The following DNAH3 variants were observed in gnomAD, a reference collection of about 807,000 sequenced individuals.
DNAH3 encodes dynein axonemal heavy chain 3, also known as axonemal beta dynein heavy chain 3.
DNAH3 carries 332 observed loss-of-function variants against 432.5 expected under a neutral mutation model. The observed-to-expected ratio is 0.77, with a 90% confidence interval of 0.70 to 0.84. DNAH3 has a LOEUF of 0.84. DNAH3 is among the 40% of genes least tolerant of loss of function. DNAH3 has a pLI of 0.00. For missense variants in DNAH3, 4,861 were observed against 5,114.0 expected, an observed-to-expected ratio of 0.95 and a Z score of 1.51; for synonymous variants, 1,956 against 1,900.2, an observed-to-expected ratio of 1.03 and a Z score of -0.76.
At chr16:21,142,982 A>G (rs919356487) in intron 3 of DNAH3, among the ~76,000 whole-genome samples, 4 of 152,236 alleles carry the variant, frequency 2.6e-5, no homozygotes, top group African/African-American at 9.6e-5. Flanking sequence ...TAAATTTTTA[A>G]GATCCTCCAA....
intron 44 of DNAH3, among the ~76,000 whole-genome samples, chr16:20,988,819 G>A (rs775632665): frequency 6.6e-6 from 1 of 152,122 alleles, no homozygotes; most frequent in African/African-American, 2.4e-5. Context: ...TCTGATGTTC[G>A]AATGTGTTCG....
exon 47 of DNAH3, chr16:20,987,333 G>A (rs1487414500): frequency 6.2e-7 from 1 of 1,614,014 alleles, no homozygotes; most frequent in Non-Finnish European, 8.5e-7. Flanking sequence ...GAAGCAATTG[G>A]AGGTGGTTTC....
intron 19 of DNAH3, 51 bp downstream of exon 19, chr16:21,086,796 CAG>C: frequency 6.6e-7 from 1 of 1,525,218 alleles, no homozygotes; most frequent in East Asian, 2.2e-5. Flanking sequence ...CAAGGACAGT[CAG>C]GGCCAGGCCT....
At chr16:20,983,667 T>C (rs1195586793) in intron 48 of DNAH3, among the ~76,000 whole-genome samples, 4 of 152,066 alleles carry the variant, frequency 2.6e-5, no homozygotes, top group Non-Finnish European at 5.9e-5. Context: ...ATTTAGACTA[T>C]GTGTGGTGGA....
In DNAH3 at chr16:20,982,901, A is replaced by AT. The variant is rs1382616132; in HGVS notation, c.7678dup (p.Ile2560AsnfsTer31). The AT allele has an allele frequency of 7.4e-6, 12 of 1,613,308 alleles. No individual in the cohort carries two copies. The highest frequency in any genetic ancestry group is 2.2e-5 in the East Asian group (1 of 44,874). ...TGGACTCATGGCTAATGAAAAGGAGATTTTGTTAATTACCTTCCTCCAAGG... is the reference window on the plus strand; with the variant it reads ...TGGACTCATGGCTAATGAAAAGGAGATTTTTGTTAATTACCTTCCTCCAAGG... On this transcript the variant is annotated frameshift_variant, in exon 49 of 62. Transcript: ENST00000261383. LOFTEE classifies it high-confidence loss of function.
chr16:20,980,294 C>CATCATATATTATAATATAG (rs1567572188), intron 49 of DNAH3, among the ~76,000 whole-genome samples: 1 of 135,576 alleles, frequency 7.4e-6, no homozygotes, highest in African/African-American at 2.8e-5. Flanking sequence ...TTATAATATA[C>CATCATATATTATAATATAG]ATCATATATT....
At chr16:21,006,013 A>G (rs1414200108) in intron 41 of DNAH3, among the ~76,000 whole-genome samples, 2 of 152,150 alleles carry the variant, frequency 1.3e-5, no homozygotes, top group Non-Finnish European at 2.9e-5. Flanking sequence ...GTTCATTTTA[A>G]GAGAAGTTTC....
intron 43 of DNAH3, among the ~76,000 whole-genome samples, chr16:20,999,133 T>C (rs1336517390): frequency 2.0e-5 from 3 of 152,040 alleles, no homozygotes; most frequent in Non-Finnish European, 2.9e-5. Flanking sequence ...CATGTGCCTG[T>C]AGTCCCAGCT....
At position 20,942,601 on chromosome 16, in the gene DNAH3, G is replaced by C. The variant is rs1407702917; in HGVS notation, c.11512-1058C>G. On this transcript the variant is annotated intron_variant, in intron 58 of 61. Coordinates refer to ENST00000261383, the Ensembl canonical transcript of DNAH3. ...TTCTACAGTTGGGAGGGGTTAAACA[G>C]GAGGTAGCTTGGAAGGTGGAGAAGG... Among the ~76,000 whole-genome samples, 5 of 152,208 alleles carry C rather than the reference G, an allele frequency of 3.3e-5. No individual in the cohort carries two copies. In the East Asian group the frequency reaches 9.6e-4, roughly 29 times the overall value.
intron 56 of DNAH3, 31 bp from the exon 57 acceptor site, chr16:20,948,668 G>A: frequency 6.2e-7 from 1 of 1,612,728 alleles, no homozygotes; most frequent in Non-Finnish European, 8.5e-7. Flanking sequence ...GAGAGGTTGA[G>A]CCCAGGGAAG....
chr16:20,972,667 C>G (rs2085396306), intron 51 of DNAH3, among the ~76,000 whole-genome samples: 1 of 151,570 alleles, frequency 6.6e-6, no homozygotes, highest in Non-Finnish European at 1.5e-5. Context: ...GGATCTCCCA[C>G]AGGCCAGGTC....
Position 21,100,290 on chromosome 16 carries a change from T to G in DNAH3, c.2367-1521A>C, listed in dbSNP as rs191300250. ...TTTCACCATGTTGGCCAGGCTAGTC[T>G]CGAACTCCTGACCTCAGGTGATTCG... On this transcript the variant is annotated intron_variant, in intron 16 of 61. Coordinates refer to ENST00000261383, the Ensembl canonical transcript of DNAH3. Among the ~76,000 whole-genome samples the G allele has an allele frequency of 3.3e-5, 5 of 152,338 alleles. No individual in the cohort carries two copies. The East Asian group carries it at 9.6e-4, about 29-fold the overall frequency.
chr16:20,982,395 TAAAC>T (rs572115159), intron 49 of DNAH3, among the ~76,000 whole-genome samples: 25 of 152,084 alleles, frequency 1.6e-4, no homozygotes, highest in African/African-American at 2.9e-4. Flanking sequence ...CAAAAACAAA[TAAAC>T]AAACAAACAT....
At chr16:21,110,601 T>C (rs2092047719) in intron 14 of DNAH3, among the ~76,000 whole-genome samples, 1 of 152,212 alleles carries the variant, frequency 6.6e-6, no homozygotes, top group Non-Finnish European at 1.5e-5. Flanking sequence ...GAGCCACAAA[T>C]TCCCTTTTTA....
intron 51 of DNAH3, among the ~76,000 whole-genome samples, chr16:20,972,291 TG>T (rs1233389244): frequency 6.6e-6 from 1 of 151,862 alleles, no homozygotes; most frequent in Non-Finnish European, 1.5e-5. Flanking sequence ...TAGAGTGCAG[TG>T]GTGGGATCAT....
chr16:21,054,741 T>G (rs553941338), intron 27 of DNAH3, among the ~76,000 whole-genome samples: 2 of 152,316 alleles, frequency 1.3e-5, no homozygotes, highest in South Asian at 4.2e-4. Context: ...TTTGGAAGGT[T>G]TCATACTGCA....
intron 26 of DNAH3, among the ~76,000 whole-genome samples, chr16:21,058,843 G>T (rs990126521): frequency 6.6e-6 from 1 of 152,038 alleles, no homozygotes; most frequent in Non-Finnish European, 1.5e-5. Flanking sequence ...GTTAGGAGGT[G>T]GGGGGCAAGG....
In DNAH3 at chr16:21,069,607, C is replaced by T; in HGVS notation, c.3202-13G>A. On this transcript the variant is annotated splice_polypyrimidine_tract_variant and intron_variant, in intron 22 of 61. Coordinates refer to ENST00000261383, the Ensembl canonical transcript of DNAH3. ...TTTCTTCCCATTTCTGTGAATTTAG[C>T]ATTTCATATCTGGATCATTAACCTG... The T allele has an allele frequency of 6.2e-7, 1 of 1,606,096 alleles. No individual in the cohort carries two copies. The highest frequency in any genetic ancestry group is 8.5e-7 in the Non-Finnish European group (1 of 1,175,788).
chr16:21,153,610 G>A (rs1025951566), intron 1 of DNAH3, among the ~76,000 whole-genome samples: 4 of 152,146 alleles, frequency 2.6e-5, no homozygotes, highest in Admixed American at 6.6e-5. Context: ...TTGGGTTCAT[G>A]CCGCCTTAAT....
Sources: allele counts gnomAD v4.1 joint callset (sites outside exome capture counted in the v4.1 genomes callset), GRCh38; gene constraint gnomAD v4.1.1; transcripts MANE v1.5; gene names NCBI Gene and HGNC (gene_info 2026-07-23, HGNC 2026-07-21).